Variants in DNER observed in about 807,000 individuals in gnomAD.
The protein encoded by DNER is delta and Notch-like epidermal growth factor-related receptor.
Under a neutral mutation model 78.2 loss-of-function variants are expected in DNER, and 33 were observed. The observed-to-expected ratio is 0.42, with a 90% CI of 0.32 to 0.56. The LOEUF (loss-of-function observed/expected upper bound fraction) is 0.56, where lower values mean the gene tolerates loss of function less well. Ranked by LOEUF, DNER falls within the 20% of genes least tolerant of loss-of-function variation. The pLI, the probability that DNER is intolerant of heterozygous loss-of-function variation, is 0.11. For missense variants in DNER, 918 were observed against 975.3 expected, an observed-to-expected ratio of 0.94 and a Z score of 0.78; for synonymous variants, 417 against 384.8, an observed-to-expected ratio of 1.08 and a Z score of -0.98.
chr2:229,514,823 C>G (rs765141422), intron 5 of DNER, among the ~76,000 whole-genome samples: 7 of 152,154 alleles, frequency 4.6e-5, no homozygotes, highest in Non-Finnish European at 1.0e-4. Flanking sequence ...CACAAACCAA[C>G]CAAGAGGCCA....
At chr2:229,450,032 G>A (rs1448105373) in intron 7 of DNER, among the ~76,000 whole-genome samples, 1 of 152,090 alleles carries the variant, frequency 6.6e-6, no homozygotes, top group Non-Finnish European at 1.5e-5. Context: ...AACCTGCCTC[G>A]GCCTCCCAAA....
At chr2:229,676,495 C>A (rs551925110) in intron 1 of DNER, among the ~76,000 whole-genome samples, 9 of 152,290 alleles carry the variant, frequency 5.9e-5, no homozygotes, top group African/African-American at 2.2e-4. Flanking sequence ...CTGAATGGCC[C>A]GATCCTAAGA....
intron 5 of DNER, among the ~76,000 whole-genome samples, chr2:229,544,497 CTATT>C (rs1483418052): frequency 3.3e-5 from 5 of 151,422 alleles, no homozygotes; most frequent in Non-Finnish European, 5.9e-5. Flanking sequence ...TGTTATATAT[CTATT>C]TATTAATTTT....
intron 1 of DNER, among the ~76,000 whole-genome samples, chr2:229,635,579 G>A (rs1186770037): frequency 6.6e-6 from 1 of 152,122 alleles, no homozygotes; most frequent in Non-Finnish European, 1.5e-5. Context: ...AAGGGAAGAG[G>A]AAGTTAGCCC....
intron 6 of DNER, among the ~76,000 whole-genome samples, chr2:229,479,323 C>T (rs1355721523): frequency 2.0e-5 from 3 of 152,148 alleles, no homozygotes; most frequent in Non-Finnish European, 4.4e-5. Context: ...TATGCATCAC[C>T]ATCGTCAACA....
chr2:229,378,956 G>T (rs140568801), intron 11 of DNER, among the ~76,000 whole-genome samples: 1 of 152,254 alleles, frequency 6.6e-6, no homozygotes, highest in African/African-American at 2.4e-5. Context: ...TCAGGTCATG[G>T]TTAGAAATAT....
At chr2:229,479,586 G>C (rs896846269) in intron 6 of DNER, among the ~76,000 whole-genome samples, 1 of 151,734 alleles carries the variant, frequency 6.6e-6, no homozygotes, top group African/African-American at 2.4e-5. Flanking sequence ...GGTGGCATAC[G>C]CCTGAAATCC....
intron 5 of DNER, among the ~76,000 whole-genome samples, chr2:229,521,447 C>T (rs904673817): frequency 1.2e-4 from 19 of 152,182 alleles, no homozygotes; most frequent in Admixed American, 1.0e-3. Flanking sequence ...ATCTATTAAC[C>T]CAGCTCCTAG....
At chr2:229,517,068 G>A (rs1444365758) in intron 5 of DNER, among the ~76,000 whole-genome samples, 5 of 139,322 alleles carry the variant, frequency 3.6e-5, no homozygotes, top group Admixed American at 7.8e-5. Flanking sequence ...CCGAGATCGC[G>A]CCACTGCACT....
intron 1 of DNER, among the ~76,000 whole-genome samples, chr2:229,684,587 C>T (rs373338871): frequency 2.0e-5 from 3 of 152,066 alleles, no homozygotes; most frequent in South Asian, 2.1e-4. Context: ...TCAGACTTTA[C>T]GTACCTCAAA....
intron 8 of DNER, among the ~76,000 whole-genome samples, chr2:229,424,299 T>C (rs1298622755): frequency 6.6e-6 from 1 of 152,194 alleles, no homozygotes; most frequent in Non-Finnish European, 1.5e-5. Context: ...TCCCAATTTA[T>C]AGATGAGGAA....
intron 7 of DNER, among the ~76,000 whole-genome samples, chr2:229,458,537 T>A (rs1317616483): frequency 1.3e-5 from 2 of 151,894 alleles, no homozygotes; most frequent in Non-Finnish European, 2.9e-5. Flanking sequence ...TACAGAAAAA[T>A]TATTTGGCAA....
intron 1 of DNER, among the ~76,000 whole-genome samples, chr2:229,631,116 T>C (rs1253718734): frequency 2.0e-5 from 3 of 152,242 alleles, no homozygotes; most frequent in Non-Finnish European, 4.4e-5. Flanking sequence ...ATGTGTCTTT[T>C]TGGTAGAATA....
chr2:229,428,104 A>G (rs773600305), intron 8 of DNER, among the ~76,000 whole-genome samples: 29 of 151,678 alleles, frequency 1.9e-4, no homozygotes, highest in Admixed American at 3.9e-4. Context: ...AGAAAAAAAG[A>G]AAAGAAAAGA....
chr2:229,460,149 T>C (rs1394196744), intron 7 of DNER, among the ~76,000 whole-genome samples: 1 of 77,096 alleles, frequency 1.3e-5, no homozygotes, highest in African/African-American at 5.8e-5. Context: ...AGAGTGAGAC[T>C]CCGTCTCAAA....
At chr2:229,464,609 A>C (rs759463319) in intron 7 of DNER, among the ~76,000 whole-genome samples, 7 of 152,196 alleles carry the variant, frequency 4.6e-5, no homozygotes, top group Non-Finnish European at 8.8e-5. Context: ...TCTAACCTAG[A>C]CTAATTGGGA....
At chr2:229,519,616 T>C (rs1199241183) in intron 5 of DNER, among the ~76,000 whole-genome samples, 1 of 151,990 alleles carries the variant, frequency 6.6e-6, no homozygotes, top group Non-Finnish European at 1.5e-5. Flanking sequence ...GGTCAAGGCT[T>C]GAACTCACAT....
intron 11 of DNER, among the ~76,000 whole-genome samples, chr2:229,370,763 T>C (rs770522500): frequency 1.3e-5 from 2 of 152,202 alleles, no homozygotes; most frequent in Admixed American, 1.3e-4. Context: ...GCCAGTACTA[T>C]GTTTCTCCTC....
chr2:229,637,864 C>T (rs1267932652), intron 1 of DNER, among the ~76,000 whole-genome samples: 10 of 152,106 alleles, frequency 6.6e-5, no homozygotes, highest in Admixed American at 6.5e-4. Flanking sequence ...ATGGAAATAC[C>T]ATCATGTTTT....
Sources: allele counts gnomAD v4.1 joint callset (sites outside exome capture counted in the v4.1 genomes callset), GRCh38; gene constraint gnomAD v4.1.1; transcripts MANE v1.5; gene names NCBI Gene and HGNC (gene_info 2026-07-23, HGNC 2026-07-21).